Variants in CDH4 observed in about 807,000 individuals in gnomAD.
CDH4 encodes the protein cadherin-4.
A neutral mutation model predicts 86.0 loss-of-function variants in CDH4; 33 were observed. That is an observed-to-expected ratio of 0.38 (90% CI 0.29 to 0.51). CDH4 has a LOEUF of 0.51. Ranked by LOEUF, CDH4 falls within the 20% of genes least tolerant of loss-of-function variation. The pLI, the probability that CDH4 is intolerant of heterozygous loss-of-function variation, is 0.86. For synonymous variants in CDH4, 555 were observed against 549.4 expected (o/e 1.01, Z -0.14); for missense variants, 1,114 against 1,307.4 (o/e 0.85, Z 2.28).
rs13042549 is a variant in CDH4 at position 61,930,542 on chromosome 20, T to C, written c.2239+700T>C. Among the ~76,000 whole-genome samples, 488 of 152,224 alleles carry C rather than the reference T, an allele frequency of 3.2e-3. 1 individual carries two copies. The highest frequency in any genetic ancestry group is 5.8e-3 in the Non-Finnish European group (392 of 67,986). ...AAGGGTTGGGCTACCACCTCCCCAG[T>C]TCACACCCAAACCACAGGGTCCCCC... On this transcript the variant is annotated intron_variant, in intron 13 of 15. Coordinates refer to ENST00000614565, the MANE Select transcript of CDH4 (RefSeq NM_001794.5).
intron 2 of CDH4, among the ~76,000 whole-genome samples, chr20:61,573,008 GGATT>G (rs1165083635): frequency 1.8e-4 from 26 of 143,972 alleles, no homozygotes; most frequent in East Asian, 1.1e-3. Flanking sequence ...ACGGATGGAT[GGATT>G]GATGGATGGA....
intron 6 of CDH4, among the ~76,000 whole-genome samples, chr20:61,856,306 A>T (rs1373365384): frequency 6.6e-6 from 1 of 152,118 alleles, no homozygotes; most frequent in East Asian, 1.9e-4. Flanking sequence ...AGGCTTGGGG[A>T]GTTCATCTGG....
intron 2 of CDH4, among the ~76,000 whole-genome samples, chr20:61,540,017 C>T (rs2086028092): frequency 6.6e-6 from 1 of 152,204 alleles, no homozygotes; most frequent in Admixed American, 6.5e-5. Flanking sequence ...AGCAGCCTCA[C>T]CTGGGAGGCA....
At chr20:61,664,572 C>T (rs1359345329) in intron 2 of CDH4, among the ~76,000 whole-genome samples, 1 of 152,258 alleles carries the variant, frequency 6.6e-6, no homozygotes, top group Non-Finnish European at 1.5e-5. Context: ...AGAACCCACA[C>T]CGCATCAAGA....
intron 2 of CDH4, among the ~76,000 whole-genome samples, chr20:61,439,450 G>A (rs1226587215): frequency 1.3e-5 from 2 of 152,236 alleles, no homozygotes; most frequent in Admixed American, 6.5e-5. Context: ...GCCATGACCA[G>A]CCAGGGCATG....
chr20:61,376,793 G>C (rs575766913), intron 2 of CDH4, among the ~76,000 whole-genome samples: 1 of 152,346 alleles, frequency 6.6e-6, no homozygotes, highest in East Asian at 1.9e-4. Context: ...GAGGGACAAA[G>C]TTCAGAGACA....
At chr20:61,891,499 G>A (rs1052408519) in intron 7 of CDH4, among the ~76,000 whole-genome samples, 3 of 152,270 alleles carry the variant, frequency 2.0e-5, no homozygotes, top group African/African-American at 7.2e-5. Flanking sequence ...CTGATCTGCT[G>A]CAGGGACCAC....
intron 4 of CDH4, among the ~76,000 whole-genome samples, chr20:61,840,222 C>G (rs1444423641): frequency 6.6e-6 from 1 of 152,194 alleles, no homozygotes; most frequent in Non-Finnish European, 1.5e-5. Flanking sequence ...TGGGACAGCT[C>G]TGGCTGACAG....
chr20:61,532,586 C>G (rs1266825523), intron 2 of CDH4, among the ~76,000 whole-genome samples: 1 of 152,170 alleles, frequency 6.6e-6, no homozygotes, highest in Admixed American at 6.5e-5. Context: ...AACACACAAG[C>G]AATGCAAGCA....
At chr20:61,570,692 G>C in intron 2 of CDH4, 1 of 702,372 alleles carries the variant, frequency 1.4e-6, no homozygotes, top group Non-Finnish European at 2.6e-6. Flanking sequence ...CCAGAGGAAA[G>C]CGATGCCAAA....
At chr20:61,405,826 G>A (rs182479783) in intron 2 of CDH4, among the ~76,000 whole-genome samples, 299 of 151,980 alleles carry the variant, frequency 2.0e-3, no homozygotes, top group African/African-American at 6.9e-3. Flanking sequence ...GACTACAGGC[G>A]CCCGCCATCA....
At chr20:61,596,410 A>G (rs1225390537) in intron 2 of CDH4, among the ~76,000 whole-genome samples, 1 of 152,214 alleles carries the variant, frequency 6.6e-6, no homozygotes, top group Non-Finnish European at 1.5e-5. Flanking sequence ...CATCGTGTGC[A>G]GAAAGGAAGG....
At chr20:61,923,054 A>G (rs2054999693) in intron 9 of CDH4, among the ~76,000 whole-genome samples, 1 of 152,232 alleles carries the variant, frequency 6.6e-6, no homozygotes, top group Non-Finnish European at 1.5e-5. Flanking sequence ...GCAACTGGTG[A>G]GGCCCCGCTG....
chr20:61,800,780 A>T (rs1979788507), intron 4 of CDH4, among the ~76,000 whole-genome samples: 1 of 152,232 alleles, frequency 6.6e-6, no homozygotes, highest in African/African-American at 2.4e-5. Flanking sequence ...TGGGAGACAG[A>T]TGGGCTGGAA....
chr20:61,336,420 A>G (rs2084617306), intron 2 of CDH4, among the ~76,000 whole-genome samples: 1 of 151,996 alleles, frequency 6.6e-6, no homozygotes, highest in Non-Finnish European at 1.5e-5. Flanking sequence ...CTCCACCACA[A>G]CCACCACCAC....
intron 6 of CDH4, among the ~76,000 whole-genome samples, chr20:61,853,283 G>A (rs1015300944): frequency 2.4e-4 from 36 of 152,116 alleles, no homozygotes; most frequent in Admixed American, 1.8e-3. Context: ...CCGGGCAGGC[G>A]GAGAGGCTAG....
At chr20:61,563,907 T>G (rs2086241720) in intron 2 of CDH4, among the ~76,000 whole-genome samples, 1 of 152,164 alleles carries the variant, frequency 6.6e-6, no homozygotes, top group Non-Finnish European at 1.5e-5. Context: ...TAGTGGGGCC[T>G]GGATTACAAC....
intron 2 of CDH4, among the ~76,000 whole-genome samples, chr20:61,503,926 C>A (rs560646337): frequency 7.9e-5 from 12 of 152,294 alleles, no homozygotes; most frequent in African/African-American, 2.9e-4. Flanking sequence ...TTGGCTCACC[C>A]AAACAGGGAG....
At chr20:61,908,087 C>G (rs532024648) in intron 8 of CDH4, among the ~76,000 whole-genome samples, 2 of 152,122 alleles carry the variant, frequency 1.3e-5, no homozygotes, top group Admixed American at 1.3e-4. Flanking sequence ...AGCCCCAGGT[C>G]GAGGAGGCTG....
Sources: gnomAD v4.1 joint callset for allele counts (sites outside exome capture counted in the v4.1 genomes callset) on GRCh38, gnomAD v4.1.1 for gene constraint, MANE v1.5 for transcripts, NCBI Gene and HGNC (gene_info 2026-07-23, HGNC 2026-07-21) for gene names.